Variants in RHAG observed in about 807,000 individuals in gnomAD.
RHAG encodes ammonium transporter Rh type A.
In RHAG, 25 loss-of-function variants were observed where a neutral mutation model predicts 42.4. That is an observed-to-expected ratio of 0.59 (90% CI 0.43 to 0.82). RHAG has a LOEUF of 0.82. RHAG is among the 40% of genes least tolerant of loss of function. The pLI is 0.00. For synonymous variants in RHAG, 182 were observed against 177.7 expected (o/e 1.02, Z -0.19); for missense variants, 483 against 504.6 (o/e 0.96, Z 0.41).
In RHAG at chr6:49,619,208, C is replaced by T. The variant is rs780663699; in HGVS notation, c.312G>A (p.Gln104=). 5.0e-6 allele frequency: 8 copies of T among 1,613,962 alleles called. No homozygotes were observed. The East Asian group carries it at 1.1e-4, about 22-fold the overall frequency. The change falls in exon 2 of 10, where the codon CAG becomes CAA. Residue 104 remains glutamine (Q), a synonymous_variant. Transcript: ENST00000371175. ...TGATTCCAATGTTAAATTTCTGTCC[C>T]TGGCTTTGCAGGATTCCCTGTACAA... ...GTIVQGILQS[Q]GQKFNIGIKN... is the part of the protein sequence containing the mutation.
At chr6:49,609,935 T>C (rs1211802384) in intron 7 of RHAG, among the ~76,000 whole-genome samples, 1 of 152,186 alleles carries the variant, frequency 6.6e-6, no homozygotes, top group Non-Finnish European at 1.5e-5. Flanking sequence ...TGGATGAAGC[T>C]GGAAACCATC....
chr6:49,606,622 A>G (rs987293013), intron 9 of RHAG: 2 of 426,352 alleles, frequency 4.7e-6, no homozygotes, highest in African/African-American at 2.0e-5. Flanking sequence ...TTTATTATTT[A>G]TAATTTTTGT....
intron 1 of RHAG, 61 bp from the exon 2 acceptor site, chr6:49,619,423 A>G (rs1341589948): frequency 1.4e-6 from 2 of 1,424,752 alleles, no homozygotes; most frequent in Non-Finnish European, 1.9e-6. Context: ...GTACTGCATC[A>G]TAGTATACCC....
intron 1 of RHAG, among the ~76,000 whole-genome samples, chr6:49,621,198 C>T (rs372892198): frequency 6.6e-5 from 10 of 152,240 alleles, no homozygotes; most frequent in South Asian, 2.1e-4. Context: ...TGCTGAGATG[C>T]GCTGCCCAGA....
At chr6:49,630,223 C>T (rs1249776095) in intron 1 of RHAG, among the ~76,000 whole-genome samples, 3 of 152,178 alleles carry the variant, frequency 2.0e-5, no homozygotes, top group Admixed American at 1.3e-4. Context: ...TGTTTTATTT[C>T]GTTTGTTTGT....
intron 1 of RHAG, among the ~76,000 whole-genome samples, chr6:49,625,470 C>T (rs1762830442): frequency 6.6e-6 from 1 of 152,128 alleles, no homozygotes. Flanking sequence ...CACACAGTGC[C>T]TATGACAAAT....
chr6:49,628,692 C>T (rs189073468), intron 1 of RHAG, among the ~76,000 whole-genome samples: 301 of 151,932 alleles, frequency 2.0e-3, no homozygotes, highest in African/African-American at 7.1e-3. Flanking sequence ...TCGCTGGCTT[C>T]AGGAGTGAAG....
At chr6:49,630,929 G>T (rs571708753) in intron 1 of RHAG, among the ~76,000 whole-genome samples, 1 of 152,072 alleles carries the variant, frequency 6.6e-6, no homozygotes, top group Non-Finnish European at 1.5e-5. Flanking sequence ...GTCTTTAGAC[G>T]CCTTTGATTT....
chr6:49,616,952 G>A (rs1048349052), intron 3 of RHAG, among the ~76,000 whole-genome samples: 2 of 152,132 alleles, frequency 1.3e-5, no homozygotes, highest in Non-Finnish European at 2.9e-5. Context: ...ATGTGAGTCT[G>A]TGCCTATCTT....
intron 1 of RHAG, among the ~76,000 whole-genome samples, chr6:49,622,074 G>C (rs1426282113): frequency 1.3e-5 from 2 of 151,330 alleles, no homozygotes; most frequent in African/African-American, 4.9e-5. Context: ...GTTTGGCTCT[G>C]CGTCTCCACC....
intron 7 of RHAG, among the ~76,000 whole-genome samples, chr6:49,610,463 A>T (rs1176777381): frequency 6.6e-6 from 1 of 152,208 alleles, no homozygotes; most frequent in Admixed American, 6.5e-5. Context: ...TAGAGCTAGA[A>T]GGGATTTTGG....
In RHAG at chr6:49,605,573, C is replaced by T. The variant is rs1774146783; in HGVS notation, c.*240G>A. On this transcript the variant is annotated 3_prime_UTR_variant, in exon 10 of 10. Transcript: ENST00000371175. ...ATTTGATTATCTGTTTTATGAGTAA[C>T]ATCCCCTCAATTAATCATTGAAGAG... is the stretch of plus-strand genomic sequence containing the variant. 1.7e-6 allele frequency: 1 copy of T among 594,536 alleles called. No homozygotes were observed. The allele number at this position is 594,536 out of a possible 1,614,324, so 36.8% of individuals were successfully genotyped here.
chr6:49,621,066 C>T (rs1315780876), intron 1 of RHAG, among the ~76,000 whole-genome samples: 1 of 152,160 alleles, frequency 6.6e-6, no homozygotes, highest in East Asian at 1.9e-4. Flanking sequence ...GCTTCCGAGG[C>T]ACACAGAGAC....
chr6:49,619,409 G>A, intron 1 of RHAG, 47 bp from the exon 2 acceptor site: 3 of 1,530,440 alleles, frequency 2.0e-6, no homozygotes, highest in Non-Finnish European at 2.7e-6. Flanking sequence ...AGAGCATGAA[G>A]AAAGTACTGC....
chr6:49,634,647 T>C (rs528927977), intron 1 of RHAG, among the ~76,000 whole-genome samples: 1 of 152,210 alleles, frequency 6.6e-6, no homozygotes, highest in South Asian at 2.1e-4. Flanking sequence ...TTTTATTCAC[T>C]ATCTAGTGCC....
intron 8 of RHAG, 48 bp downstream of exon 8, chr6:49,607,102 T>C: frequency 6.7e-7 from 1 of 1,492,314 alleles, no homozygotes; most frequent in Non-Finnish European, 9.3e-7. Flanking sequence ...CTATTGTAAA[T>C]AATCTGAGAG....
At chr6:49,620,964 A>T (rs1157756248) in intron 1 of RHAG, among the ~76,000 whole-genome samples, 2 of 152,188 alleles carry the variant, frequency 1.3e-5, no homozygotes, top group Admixed American at 1.3e-4. Flanking sequence ...TGCCCAAAGG[A>T]TGAAGTCAGG....
At chr6:49,612,292 A>G in intron 6 of RHAG, 105 bp downstream of exon 6, 1 of 1,294,350 alleles carries the variant, frequency 7.7e-7, no homozygotes, top group Non-Finnish European at 1.1e-6. Context: ...TCTCCAAATA[A>G]AAATGTTTAT....
Position 49,610,163 on chromosome 6 carries a change from C to A in RHAG, c.1067+861G>T, listed in dbSNP as rs553767021. Among the ~76,000 whole-genome samples the A allele has an allele frequency of 8.7e-4, 132 of 152,220 alleles. 1 individual carries two copies. The highest frequency in any genetic ancestry group is 3.1e-3 in the African/African-American group (130 of 41,534). ...ATGACTGGCTGATGGGTGCAGCAAA[C>A]CACCAAGATACATGTATACCTATGT... On this transcript the variant is annotated intron_variant, in intron 7 of 9. Transcript: ENST00000371175.
Sources: gnomAD v4.1 joint callset for allele counts (sites outside exome capture counted in the v4.1 genomes callset) on GRCh38, gnomAD v4.1.1 for gene constraint, MANE v1.5 for transcripts, NCBI Gene and HGNC (gene_info 2026-07-23, HGNC 2026-07-21) for gene names.